The following ZNF618 variants were observed in gnomAD, a reference collection of about 807,000 sequenced individuals.
ZNF618 encodes neural precursor cell expressed, developmentally down-regulated 10.
A neutral mutation model predicts 103.0 loss-of-function variants in ZNF618; 34 were observed. The ratio of observed to expected loss-of-function variants is 0.33; its 90% CI spans 0.25 to 0.44. The LOEUF is 0.44. Ranked by LOEUF, ZNF618 falls within the 20% of genes least tolerant of loss-of-function variation. The probability of loss-of-function intolerance (pLI) is 1.00; values close to 1 mark genes in which losing one functional copy is unlikely to be tolerated. For synonymous variants in ZNF618, 551 were observed against 542.2 expected, an observed-to-expected ratio of 1.02 and a Z score of -0.23; for missense variants, 1,059 against 1,295.4, an observed-to-expected ratio of 0.82 and a Z score of 2.80.
intron 4 of ZNF618, among the ~76,000 whole-genome samples, chr9:113,999,332 G>A (rs569650019): frequency 1.3e-5 from 2 of 150,314 alleles, no homozygotes; most frequent in Admixed American, 6.6e-5. Flanking sequence ...TAGGCTGAGC[G>A]AGGGGCAGGT....
intron 1 of ZNF618, among the ~76,000 whole-genome samples, chr9:113,920,840 G>A (rs756376412): frequency 1.3e-5 from 2 of 152,260 alleles, no homozygotes; most frequent in Non-Finnish European, 2.9e-5. Context: ...GTATCAATAG[G>A]ATTTAGCATT....
intron 1 of ZNF618, among the ~76,000 whole-genome samples, chr9:113,916,717 T>C (rs1015941820): frequency 2.6e-5 from 4 of 152,180 alleles, no homozygotes; most frequent in Non-Finnish European, 4.4e-5. Flanking sequence ...CCCACCTAAC[T>C]GTGATTCTCG....
intron 2 of ZNF618, among the ~76,000 whole-genome samples, chr9:113,977,643 A>G (rs1056169773): frequency 6.6e-6 from 1 of 152,164 alleles, no homozygotes; most frequent in Non-Finnish European, 1.5e-5. Flanking sequence ...TACATTGCTA[A>G]TTGGTCAGAA....
chr9:114,011,176 T>C (rs1419542792), intron 9 of ZNF618, among the ~76,000 whole-genome samples: 1 of 152,248 alleles, frequency 6.6e-6, no homozygotes, highest in Non-Finnish European at 1.5e-5. Flanking sequence ...TAATCCATAG[T>C]TTCTCTACCT....
intron 1 of ZNF618, among the ~76,000 whole-genome samples, chr9:113,879,472 T>C (rs1828304336): frequency 6.6e-6 from 1 of 150,788 alleles, no homozygotes; most frequent in South Asian, 2.1e-4. Context: ...GATGGTTCTA[T>C]TGGGGGCGGG....
intron 2 of ZNF618, among the ~76,000 whole-genome samples, chr9:113,986,874 AC>A (rs1453356355): frequency 6.6e-6 from 1 of 152,094 alleles, no homozygotes; most frequent in Non-Finnish European, 1.5e-5. Context: ...ATGTGATTAA[AC>A]CCATGCTCCT....
At chr9:113,907,139 A>G (rs1831058528) in intron 1 of ZNF618, among the ~76,000 whole-genome samples, 1 of 152,196 alleles carries the variant, frequency 6.6e-6, no homozygotes, top group South Asian at 2.1e-4. Context: ...TCACAGTGCG[A>G]GGATGGTGTG....
chr9:113,996,135 C>G (rs1347409270), intron 3 of ZNF618, among the ~76,000 whole-genome samples: 3 of 152,138 alleles, frequency 2.0e-5, no homozygotes, highest in African/African-American at 7.2e-5. Flanking sequence ...GGCCAAGCCC[C>G]AGAGCCTCAG....
intron 1 of ZNF618, among the ~76,000 whole-genome samples, chr9:113,943,824 G>A (rs547673582): frequency 1.4e-4 from 22 of 152,256 alleles, no homozygotes; most frequent in African/African-American, 4.6e-4. Context: ...TCCCTGTGCC[G>A]GTGGTCAGGA....
intron 2 of ZNF618, among the ~76,000 whole-genome samples, chr9:113,976,566 C>T (rs533636514): frequency 3.9e-5 from 6 of 152,264 alleles, no homozygotes; most frequent in Admixed American, 1.3e-4. Context: ...TTAACAGTGT[C>T]GGGACACCTC....
At position 113,904,994 on chromosome 9, in the gene ZNF618, G is replaced by A. The variant is rs144390430; in HGVS notation, c.33+28581G>A. Among the ~76,000 whole-genome samples, 501 of 152,250 alleles carry A rather than the reference G, an allele frequency of 3.3e-3. 4 individuals are homozygous for A. Among genetic ancestry groups the A allele is most frequent in the Middle Eastern group, 0.014 (4 of 294 alleles). ...CCTTCACAGTTCTGGGGATTAGGACGCACATGTCTTTGTTGGGTACAGGGA... is the reference window on the plus strand; with the variant it reads ...CCTTCACAGTTCTGGGGATTAGGACACACATGTCTTTGTTGGGTACAGGGA... On this transcript the variant is annotated intron_variant, in intron 1 of 14. Coordinates refer to ENST00000374126, the MANE Select transcript of ZNF618 (RefSeq NM_001318042.2).
At chr9:114,018,171 G>A (rs984337056) in intron 10 of ZNF618, among the ~76,000 whole-genome samples, 1 of 152,206 alleles carries the variant, frequency 6.6e-6, no homozygotes, top group Non-Finnish European at 1.5e-5. Context: ...GGCTATATAG[G>A]TCATTCAGTA....
At chr9:113,876,738 C>G (rs777784496) in intron 1 of ZNF618, among the ~76,000 whole-genome samples, 18 of 151,964 alleles carry the variant, frequency 1.2e-4, no homozygotes, top group Admixed American at 3.9e-4. Flanking sequence ...TCACATTTTG[C>G]AAAAATGCAA....
chr9:114,040,432 G>C (rs569133694), intron 13 of ZNF618, among the ~76,000 whole-genome samples: 1 of 151,916 alleles, frequency 6.6e-6, no homozygotes, highest in South Asian at 2.1e-4. Flanking sequence ...TTGGTGTGCT[G>C]CACCCATTAA....
rs1414125242 is a variant in ZNF618 at position 114,028,791 on chromosome 9, T to A, written c.903T>A (p.His301Gln). The A allele has an allele frequency of 2.6e-6, 4 of 1,550,354 alleles. No homozygotes were observed. The highest frequency in any genetic ancestry group is 3.5e-6 in the Non-Finnish European group (4 of 1,146,972). ...DDPDTGSECS[H>Q]PEVSPSPRFV... ...CAGACACGGGCTCTGAGTGTTCACA[T>A]CCAGAGGTCTCCCCATCTCCACGCT... is the stretch of plus-strand genomic sequence containing the variant. The change falls in exon 11 of 15, where the codon CAT becomes CAA. Residue 301 changes from histidine (H) to glutamine (Q), a missense_variant. Coordinates refer to ENST00000374126, the MANE Select transcript of ZNF618 (RefSeq NM_001318042.2).
intron 2 of ZNF618, among the ~76,000 whole-genome samples, chr9:113,980,477 T>C (rs1372754763): frequency 6.6e-6 from 1 of 152,050 alleles, no homozygotes; most frequent in Non-Finnish European, 1.5e-5. Flanking sequence ...CCCAGCTACT[T>C]GGAAGGCTGA....
chr9:114,001,448 C>A (rs1304272293), intron 4 of ZNF618, among the ~76,000 whole-genome samples: 5 of 152,116 alleles, frequency 3.3e-5, no homozygotes, highest in Admixed American at 3.3e-4. Context: ...TGCATGTGGT[C>A]CCATTCTGCA....
chr9:114,037,343 A>C (rs1325168154), intron 13 of ZNF618, among the ~76,000 whole-genome samples: 1 of 152,106 alleles, frequency 6.6e-6, no homozygotes, highest in Non-Finnish European at 1.5e-5. Context: ...GGGCAAGCAC[A>C]CTTCTTTACC....
At chr9:113,923,954 A>G (rs1412532266) in intron 1 of ZNF618, among the ~76,000 whole-genome samples, 1 of 152,084 alleles carries the variant, frequency 6.6e-6, no homozygotes, top group East Asian at 1.9e-4. Flanking sequence ...GCAGTCAACA[A>G]GTTTCAGATT....
Sources: allele counts gnomAD v4.1 joint callset (sites outside exome capture counted in the v4.1 genomes callset), GRCh38; gene constraint gnomAD v4.1.1; transcripts MANE v1.5; gene names NCBI Gene and HGNC (gene_info 2026-07-23, HGNC 2026-07-21).